PZP: variants seen among roughly 807,000 people sequenced by gnomAD.
PZP encodes PZP alpha-2-macroglobulin like.
In PZP, 150 loss-of-function variants were observed where a neutral mutation model predicts 179.8. That is an observed-to-expected ratio of 0.83 (90% CI 0.73 to 0.96). PZP has a LOEUF of 0.96. Ranked by LOEUF, PZP falls within the 40% of genes least tolerant of loss-of-function variation. The pLI, the probability that PZP is intolerant of heterozygous loss-of-function variation, is 0.00. For missense variants in PZP, 1,689 were observed against 1,764.0 expected, an observed-to-expected ratio of 0.96 and a Z score of 0.76; for synonymous variants, 624 against 652.3, an observed-to-expected ratio of 0.96 and a Z score of 0.66.
chr12:9,176,215 C>G (rs948472075), intron 15 of PZP, among the ~76,000 whole-genome samples: 2 of 152,156 alleles, frequency 1.3e-5, no homozygotes, highest in Non-Finnish European at 2.9e-5. Flanking sequence ...GAACAGAAAA[C>G]TAAACACTAC....
intron 14 of PZP, 67 bp downstream of exon 14, chr12:9,181,908 G>A (rs1942784148): frequency 7.2e-6 from 11 of 1,528,112 alleles, no homozygotes; most frequent in Non-Finnish European, 8.0e-6. Flanking sequence ...TTTTCTCTGG[G>A]GTAAAATAGA....
intron 4 of PZP, 40 bp downstream of exon 4, chr12:9,202,279 A>T: frequency 6.5e-7 from 1 of 1,534,828 alleles, no homozygotes; most frequent in South Asian, 1.1e-5. Context: ...GAGTATTCCC[A>T]CTCTACCCAC....
intron 6 of PZP, 55 bp downstream of exon 6, chr12:9,200,837 G>A: frequency 6.5e-7 from 1 of 1,538,594 alleles, no homozygotes. Context: ...ATCTAAGTGA[G>A]CTCACACTCT....
intron 1 of PZP, among the ~76,000 whole-genome samples, chr12:9,205,492 G>A (rs1044212669): frequency 6.6e-6 from 1 of 152,176 alleles, no homozygotes; most frequent in Non-Finnish European, 1.5e-5. Flanking sequence ...GTTCATGGAA[G>A]CTAAAACATG....
chr12:9,140,588 G>A, the PZP span, among the ~76,000 whole-genome samples: 2 of 152,124 alleles, frequency 1.3e-5, no homozygotes, highest in South Asian at 2.1e-4. Flanking sequence ...TGTTACCTAG[G>A]CCTTTTAAAC....
At chr12:9,163,540 G>A (rs2120710461) in intron 21 of PZP, 128 bp downstream of exon 21, 2 of 1,092,374 alleles carry the variant, frequency 1.8e-6, no homozygotes, top group Non-Finnish European at 2.6e-6. Flanking sequence ...TGCTTTTAGG[G>A]CAGGAAATTC....
Position 9,202,407 on chromosome 12 carries a change from A to G in PZP, c.428-36T>C, listed in dbSNP as rs752810988. On this transcript the variant is annotated intron_variant, in intron 3 of 35. Coordinates refer to ENST00000261336, the MANE Select transcript of PZP (RefSeq NM_002864.3). ...AGTTCTCCGATAAGATTCAGACATG[A>G]TAAAGCAGGTAATTTGGGTAATAAG... The G allele has an allele frequency of 5.6e-6, 9 of 1,614,074 alleles. No individual in the cohort carries two copies. In the Admixed American group the frequency reaches 1.5e-4, roughly 27 times the overall value.
chr12:9,152,729 A>T, intron 31 of PZP, 95 bp downstream of exon 31: 1 of 1,301,710 alleles, frequency 7.7e-7, no homozygotes, highest in African/African-American at 1.5e-5. Context: ...AAATTATATT[A>T]ATCTAATAAC....
At chr12:9,175,573 G>A (rs772530544) in intron 15 of PZP, among the ~76,000 whole-genome samples, 2 of 152,098 alleles carry the variant, frequency 1.3e-5, no homozygotes, top group East Asian at 1.9e-4. Flanking sequence ...CCTGAGAAAG[G>A]CCTAATATCC....
chr12:9,145,163 T>A (rs1177827937), downstream of PZP, among the ~76,000 whole-genome samples: 1 of 152,184 alleles, frequency 6.6e-6, no homozygotes, highest in East Asian at 1.9e-4. Context: ...TTACTCAATT[T>A]GCATTTAAAG....
At chr12:9,152,052 G>A (rs1555166782) in intron 32 of PZP, among the ~76,000 whole-genome samples, 168 bp downstream of exon 32, 1 of 152,142 alleles carries the variant, frequency 6.6e-6, no homozygotes, top group Non-Finnish European at 1.5e-5. Context: ...TATCACATAT[G>A]TCCCTTAGCT....
chr12:9,180,914 T>C (rs1942718127), intron 15 of PZP, 69 bp downstream of exon 15: 17 of 1,530,124 alleles, frequency 1.1e-5, no homozygotes, highest in Non-Finnish European at 1.4e-5. Flanking sequence ...GACAAAGGGC[T>C]AATAGAGGCT....
At chr12:9,151,912 C>A (rs551505273) in intron 32 of PZP, among the ~76,000 whole-genome samples, 29 of 152,230 alleles carry the variant, frequency 1.9e-4, no homozygotes, top group African/African-American at 6.7e-4. Flanking sequence ...TAGTGCATAT[C>A]AGTCAGTTTG....
chr12:9,157,620 A>G, intron 27 of PZP, 147 bp downstream of exon 27: 1 of 762,404 alleles, frequency 1.3e-6, no homozygotes, highest in Non-Finnish European at 2.1e-6. Flanking sequence ...AATCTCTCTT[A>G]ATGCATCAAC....
chr12:9,192,709 G>C lies in PZP; in HGVS notation c.1285C>G (p.His429Asp). The change falls in exon 12 of 36, where the codon CAC becomes GAC. Residue 429 changes from histidine (H) to aspartate (D), a missense_variant. Physicochemically the swap from His to Asp is moderately conservative, Grantham distance 81 (BLOSUM62 -1). Around this residue, in one of 3 missense-constraint regions of PZP, gnomAD observed 742 missense variants for 730.5 expected, o/e 1.02. Coordinates refer to ENST00000261336, the MANE Select transcript of PZP (RefSeq NM_002864.3). ...VFTVHPNLCF[H>D]YSWVAEDHQG... ...TGGTCTTCTGCTACCCATGAATAGTGAAAACACAAGTTGGGATGCACAGTG... is the reference window on the plus strand; with the variant it reads ...TGGTCTTCTGCTACCCATGAATAGTCAAAACACAAGTTGGGATGCACAGTG... The C allele has an allele frequency of 6.2e-7, 1 of 1,612,926 alleles. No homozygotes were observed. Among genetic ancestry groups the C allele is most frequent in the Non-Finnish European group, 8.5e-7 (1 of 1,178,932 alleles).
At chr12:9,138,008 A>G in the PZP span, among the ~76,000 whole-genome samples, 1 of 152,006 alleles carries the variant, frequency 6.6e-6, no homozygotes, top group African/African-American at 2.4e-5. Context: ...GTAGGCTTTA[A>G]TTTATTTTTC....
chr12:9,187,816 C>A (rs12308489), intron 13 of PZP, among the ~76,000 whole-genome samples: 1 of 152,214 alleles, frequency 6.6e-6, no homozygotes, highest in Non-Finnish European at 1.5e-5. Flanking sequence ...ACACCCTAAT[C>A]ACTACTTGCT....
In PZP at chr12:9,193,825, A is replaced by G. The variant is rs997292945; in HGVS notation, c.1254+252T>C. 7.9e-5 allele frequency among the ~76,000 whole-genome samples: 12 copies of G among 152,310 alleles called. No homozygotes were observed. The East Asian group carries it at 2.3e-3, about 29-fold the overall frequency. ...AGCAGCTGATATTGTTCACGACCCAAATCAAATAAGATTTTTTTCATACTA... is the reference window on the plus strand; with the variant it reads ...AGCAGCTGATATTGTTCACGACCCAGATCAAATAAGATTTTTTTCATACTA... On this transcript the variant is annotated intron_variant, in intron 11 of 35. Transcript: ENST00000261336.
At chr12:9,159,163 T>G (rs1940988108) in intron 25 of PZP, among the ~76,000 whole-genome samples, 1 of 152,118 alleles carries the variant, frequency 6.6e-6, no homozygotes, top group Non-Finnish European at 1.5e-5. Flanking sequence ...CTAACACCTC[T>G]TAGGGCTGAG....
Sources: allele counts gnomAD v4.1 joint callset (sites outside exome capture counted in the v4.1 genomes callset), GRCh38; gene constraint gnomAD v4.1.1; regional missense constraint gnomAD v4.1.1; transcripts MANE v1.5; gene names NCBI Gene and HGNC (gene_info 2026-07-23, HGNC 2026-07-21).